RBPJ: variants seen among roughly 807,000 people sequenced by gnomAD.
RBPJ encodes the protein recombining binding protein suppressor of hairless.
Under a neutral mutation model 67.8 loss-of-function variants are expected in RBPJ, and 9 were observed. That is an observed-to-expected ratio of 0.13 (90% confidence interval 0.08 to 0.23). RBPJ has a LOEUF of 0.23. RBPJ is among the 10% of genes least tolerant of loss of function. The pLI, the probability that RBPJ is intolerant of heterozygous loss-of-function variation, is 1.00. For synonymous variants in RBPJ, 198 were observed against 203.3 expected, an observed-to-expected ratio of 0.97 and a Z score of 0.22; for missense variants, 305 against 595.6, an observed-to-expected ratio of 0.51 and a Z score of 5.08.
chr4:26,381,983 A>G (rs1202109683), intron 1 of RBPJ, among the ~76,000 whole-genome samples: 2 of 152,170 alleles, frequency 1.3e-5, no homozygotes, highest in African/African-American at 4.8e-5. Flanking sequence ...CTTTGTTACA[A>G]TGAGGAATTA....
intron 1 of RBPJ, among the ~76,000 whole-genome samples, chr4:26,184,746 T>G (rs1021567124): frequency 1.3e-5 from 2 of 152,212 alleles, no homozygotes; most frequent in Non-Finnish European, 2.9e-5. Context: ...CTACGTAATA[T>G]TAAGGGCATG....
intron 1 of RBPJ, among the ~76,000 whole-genome samples, chr4:26,170,706 T>C (rs544789455): frequency 1.3e-5 from 2 of 152,302 alleles, no homozygotes; most frequent in East Asian, 1.9e-4. Context: ...GAAATGATAA[T>C]TTATGCGACC....
chr4:26,215,331 G>GAA (rs1333684834), intron 1 of RBPJ, among the ~76,000 whole-genome samples: 1 of 40,230 alleles, frequency 2.5e-5, no homozygotes, highest in East Asian at 1.2e-3. Flanking sequence ...GAAAGAAAAA[G>GAA]AGAGAGAGAA....
At chr4:26,317,576 A>T (rs4513556), upstream of RBPJ, among the ~76,000 whole-genome samples, 1 of 152,202 alleles carries the variant, frequency 6.6e-6, no homozygotes, top group Non-Finnish European at 1.5e-5. Context: ...CTGCGGGAAG[A>T]CAAGAACGGA....
intron 1 of RBPJ, among the ~76,000 whole-genome samples, chr4:26,165,901 G>A (rs1274138352): frequency 1.5e-5 from 2 of 134,388 alleles, no homozygotes; most frequent in Non-Finnish European, 3.0e-5. Context: ...AGAGTGTGAT[G>A]TTCCCCTTCC....
chr4:26,139,330 T>C, the RBPJ span, among the ~76,000 whole-genome samples: 19 of 152,212 alleles, frequency 1.2e-4, no homozygotes, highest in Non-Finnish European at 2.8e-4. Flanking sequence ...TCGTTATTTA[T>C]TGGGTACTAA....
the RBPJ span, among the ~76,000 whole-genome samples, chr4:26,109,909 C>T: frequency 2.6e-5 from 4 of 152,122 alleles, no homozygotes; most frequent in Middle Eastern, 3.4e-3. Flanking sequence ...ATTGCCCAAT[C>T]AATGTGCTCT....
intron 1 of RBPJ, among the ~76,000 whole-genome samples, chr4:26,312,325 G>A (rs1158533018): frequency 6.6e-6 from 1 of 152,042 alleles, no homozygotes; most frequent in East Asian, 1.9e-4. Context: ...TAGAAACGGG[G>A]TTTCACTGTG....
chr4:26,200,322 A>G (rs1717938061), intron 1 of RBPJ, among the ~76,000 whole-genome samples: 1 of 152,234 alleles, frequency 6.6e-6, no homozygotes, highest in Non-Finnish European at 1.5e-5. Flanking sequence ...AGGTATAGAA[A>G]GATGACTAAC....
chr4:26,141,884 C>T, the RBPJ span, among the ~76,000 whole-genome samples: 2 of 152,202 alleles, frequency 1.3e-5, no homozygotes, highest in Admixed American at 1.3e-4. Context: ...AGAGCCCCTT[C>T]CCCCAAAAGA....
intron 1 of RBPJ, among the ~76,000 whole-genome samples, chr4:26,372,479 CTG>C (rs1402245560): frequency 6.6e-6 from 1 of 152,222 alleles, no homozygotes; most frequent in Non-Finnish European, 1.5e-5. Flanking sequence ...AGTAAATTAA[CTG>C]TAACACAACA....
intron 1 of RBPJ, among the ~76,000 whole-genome samples, chr4:26,243,244 T>C (rs1243444367): frequency 6.6e-6 from 1 of 151,934 alleles, no homozygotes; most frequent in Non-Finnish European, 1.5e-5. Flanking sequence ...AAAATAATAA[T>C]GATAAAAAGT....
chr4:26,424,948 C>T lies in RBPJ; in HGVS notation c.747+205C>T. On this transcript the variant is annotated intron_variant, in intron 7 of 10. Transcript: ENST00000355476. This position sits in a 1 kb window ranked among gnomAD's most constrained non-coding sequence, Gnocchi z 5.3. ...GCTTTAAGGTAATAGCCAGTTTTTA[C>T]AAGTACATTCTTAATGATTTTTTCT... 1 of 454,574 alleles carries T rather than the reference C, an allele frequency of 2.2e-6. No homozygotes were observed. The highest frequency in any genetic ancestry group is 3.8e-6 in the Non-Finnish European group (1 of 260,040). The allele number at this position is 454,574 out of a possible 1,614,324, so 28.2% of individuals were successfully genotyped here.
intron 1 of RBPJ, chr4:26,362,457 A>G: frequency 6.9e-7 from 1 of 1,446,310 alleles, no homozygotes; most frequent in Non-Finnish European, 9.1e-7. Flanking sequence ...CATTGAAATT[A>G]TGAGACTATC....
the RBPJ span, among the ~76,000 whole-genome samples, chr4:26,120,886 A>G: frequency 2.1e-5 from 3 of 141,046 alleles, no homozygotes; most frequent in Admixed American, 2.1e-4. Flanking sequence ...ATCTAGCCCT[A>G]TGTGATTAAA....
chr4:26,157,216 A>G, the RBPJ span, among the ~76,000 whole-genome samples: 4 of 151,710 alleles, frequency 2.6e-5, no homozygotes. Context: ...GATTGCTTGA[A>G]CCCAGAAGTT....
intron 1 of RBPJ, among the ~76,000 whole-genome samples, chr4:26,380,327 C>T (rs976311127): frequency 2.0e-5 from 3 of 152,056 alleles, no homozygotes; most frequent in African/African-American, 7.2e-5. Flanking sequence ...ATATTAGGTC[C>T]ATAAGGAGAT....
chr4:26,277,131 A>AT (rs531411356), intron 1 of RBPJ, among the ~76,000 whole-genome samples: 1 of 149,876 alleles, frequency 6.7e-6, no homozygotes, highest in African/African-American at 2.5e-5. Flanking sequence ...AAAAAAAAAA[A>AT]TTTAAATTAG....
At chr4:26,418,397 G>T (rs961153975) in intron 4 of RBPJ, among the ~76,000 whole-genome samples, 1 of 152,082 alleles carries the variant, frequency 6.6e-6, no homozygotes, top group African/African-American at 2.4e-5. Context: ...TGGCCTTATA[G>T]TTTTTTAAAA....
Sources: gnomAD v4.1 joint callset for allele counts (sites outside exome capture counted in the v4.1 genomes callset) on GRCh38, gnomAD v4.1.1 for gene constraint, Gnocchi (gnomAD v3.1) non-coding constraint, MANE v1.5 for transcripts, NCBI Gene and HGNC (gene_info 2026-07-23, HGNC 2026-07-21) for gene names.